Variants in IMMP2L observed in about 807,000 individuals in gnomAD.
IMMP2L encodes the protein mitochondrial inner membrane protease subunit 2.
In IMMP2L, 18 loss-of-function variants were observed where a neutral mutation model predicts 19.3. That is an observed-to-expected ratio of 0.93 (90% CI 0.64 to 1.38). The LOEUF (loss-of-function observed/expected upper bound fraction) is 1.38, where lower values mean the gene tolerates loss of function less well. IMMP2L is among the 40% of genes most tolerant of loss of function. The pLI is 0.00. For missense variants in IMMP2L, 233 were observed against 218.2 expected (o/e 1.07, Z -0.43); for synonymous variants, 76 against 73.0 (o/e 1.04, Z -0.21).
intron 3 of IMMP2L, among the ~76,000 whole-genome samples, chr7:111,094,240 G>A (rs555553147): frequency 3.3e-5 from 5 of 151,724 alleles, no homozygotes; most frequent in African/African-American, 4.8e-5. Flanking sequence ...CCGGAGTTTC[G>A]TTTTAAAAAA....
At chr7:111,166,086 T>C in intron 3 of IMMP2L, among the ~76,000 whole-genome samples, 1 of 152,126 alleles carries the variant, frequency 6.6e-6, no homozygotes, top group South Asian at 2.1e-4. Context: ...CAATTCATAT[T>C]TTAAAATTAT....
chr7:110,940,756 C>T (rs548657260), intron 4 of IMMP2L, among the ~76,000 whole-genome samples: 1 of 152,236 alleles, frequency 6.6e-6, no homozygotes, highest in East Asian at 1.9e-4. Flanking sequence ...CAAACAACAA[C>T]CTGAAGTAAT....
chr7:111,475,832 A>T (rs1238506629), intron 3 of IMMP2L, among the ~76,000 whole-genome samples: 1 of 152,128 alleles, frequency 6.6e-6, no homozygotes, highest in African/African-American at 2.4e-5. Context: ...TACAGACATA[A>T]TCTTTATAAG....
intron 3 of IMMP2L, among the ~76,000 whole-genome samples, chr7:111,151,782 C>G (rs1804099992): frequency 6.6e-6 from 1 of 151,864 alleles, no homozygotes; most frequent in Non-Finnish European, 1.5e-5. Context: ...CTACTAAAAG[C>G]ACAAAAGTTA....
intron 3 of IMMP2L, among the ~76,000 whole-genome samples, chr7:111,079,562 T>C (rs1199210987): frequency 6.6e-6 from 1 of 152,218 alleles, no homozygotes; most frequent in African/African-American, 2.4e-5. Context: ...ATGTCCCAAA[T>C]CGCACATGAG....
chr7:110,775,249 C>CTGTGTGTGTGTGTGTGTGTGTGTGTG (rs56387151), intron 5 of IMMP2L, among the ~76,000 whole-genome samples: 5 of 146,720 alleles, frequency 3.4e-5, no homozygotes, highest in African/African-American at 1.0e-4. Context: ...CTTAAGTCAG[C>CTGTGTGTGTGTGTGTGTGTGTGTGTG]TGTGTGTGTG....
chr7:110,722,767 G>A (rs1387432042), intron 5 of IMMP2L, among the ~76,000 whole-genome samples: 1 of 151,974 alleles, frequency 6.6e-6, no homozygotes, highest in Non-Finnish European at 1.5e-5. Context: ...TAATAACAAG[G>A]GATTATAACT....
Position 110,803,030 on chromosome 7 carries a change from A to T in IMMP2L, c.408+83563T>A, listed in dbSNP as rs902955766. 6.6e-6 allele frequency among the ~76,000 whole-genome samples: 1 copy of T among 152,104 alleles called. No homozygotes were observed. ...CAAAAGAAGTAGAGATTATAAACAC[A>T]ATTACTAGAAGTCTGTCCAGATCAG... On this transcript the variant is annotated intron_variant, in intron 5 of 5. Transcript: ENST00000405709. The surrounding 1 kb of genome is among the most constrained non-coding windows in gnomAD (Gnocchi z 4.2).
At chr7:110,995,304 AATG>A (rs1426063537) in intron 3 of IMMP2L, among the ~76,000 whole-genome samples, 1 of 152,154 alleles carries the variant, frequency 6.6e-6, no homozygotes, top group Non-Finnish European at 1.5e-5. Context: ...TAAAAGTTAT[AATG>A]ATTTCTGTAG....
intron 3 of IMMP2L, among the ~76,000 whole-genome samples, chr7:111,440,506 G>C (rs910641716): frequency 2.6e-5 from 4 of 151,942 alleles, no homozygotes; most frequent in East Asian, 1.9e-4. Flanking sequence ...CTTCTGAGCA[G>C]TAGGTCTCAA....
At chr7:111,263,896 A>C (rs963322346) in intron 3 of IMMP2L, among the ~76,000 whole-genome samples, 1 of 152,168 alleles carries the variant, frequency 6.6e-6, no homozygotes, top group Admixed American at 6.6e-5. Context: ...AACGAGGATT[A>C]AAATTTGTCC....
At chr7:110,896,783 T>C (rs190367272) in intron 4 of IMMP2L, among the ~76,000 whole-genome samples, 42 of 152,200 alleles carry the variant, frequency 2.8e-4, no homozygotes, top group African/African-American at 6.7e-4. Flanking sequence ...GATAGTTATA[T>C]AGGGAAAAAT....
intron 3 of IMMP2L, chr7:111,395,181 AG>A (rs532108677): frequency 3.3e-5 from 5 of 153,640 alleles, no homozygotes; most frequent in Non-Finnish European, 7.3e-5. Flanking sequence ...AAGCCAAAGG[AG>A]TCAAGAGTAG....
chr7:111,131,605 A>C (rs904672645), intron 3 of IMMP2L, among the ~76,000 whole-genome samples: 2 of 152,012 alleles, frequency 1.3e-5, no homozygotes, highest in African/African-American at 4.8e-5. Context: ...ACAATATGAC[A>C]GGCATGCTGA....
chr7:110,912,312 T>G (rs1340853262), intron 4 of IMMP2L, among the ~76,000 whole-genome samples: 1 of 152,086 alleles, frequency 6.6e-6, no homozygotes, highest in East Asian at 1.9e-4. Context: ...AGAATGATCC[T>G]TAGAGCATAC....
At chr7:111,451,567 A>AG (rs1223266646) in intron 3 of IMMP2L, among the ~76,000 whole-genome samples, 2 of 68,036 alleles carry the variant, frequency 2.9e-5, no homozygotes, top group Non-Finnish European at 5.4e-5. Context: ...TGTGGTGGGG[A>AG]GGGGGGAGGG....
At position 111,243,258 on chromosome 7, in the gene IMMP2L, T is replaced by C. The variant is rs73201096; in HGVS notation, c.239+243980A>G. On this transcript the variant is annotated intron_variant, in intron 3 of 5. Transcript: ENST00000405709. ...ATATTGAATTATAAAATATTTATTA[T>C]GCTAAAAGAGTTCTCAATAAATACT... is the stretch of plus-strand genomic sequence containing the variant. Among the ~76,000 whole-genome samples the C allele has an allele frequency of 6.6e-4, 101 of 152,116 alleles. 2 individuals are homozygous for C. Among genetic ancestry groups the C allele is most frequent in the Middle Eastern group, 3.4e-3 (1 of 294 alleles).
At chr7:111,461,979 C>T (rs980803214) in intron 3 of IMMP2L, among the ~76,000 whole-genome samples, 18 of 151,838 alleles carry the variant, frequency 1.2e-4, no homozygotes, top group African/African-American at 3.6e-4. Flanking sequence ...ATAGATCATA[C>T]ACACACACGT....
chr7:110,729,764 G>C (rs912566109), intron 5 of IMMP2L, among the ~76,000 whole-genome samples: 1 of 152,118 alleles, frequency 6.6e-6, no homozygotes, highest in African/African-American at 2.4e-5. Context: ...GGGCCTATCA[G>C]TGGTTCCGGG....
Sources: gnomAD v4.1 joint callset for allele counts (sites outside exome capture counted in the v4.1 genomes callset) on GRCh38, gnomAD v4.1.1 for gene constraint, Gnocchi (gnomAD v3.1) non-coding constraint, MANE v1.5 for transcripts, NCBI Gene and HGNC (gene_info 2026-07-23, HGNC 2026-07-21) for gene names.